The following ADAM10 variants were observed in gnomAD, a reference collection of about 807,000 sequenced individuals.
ADAM10 encodes ADAM metallopeptidase domain 10.
In ADAM10, 17 loss-of-function variants were observed where a neutral mutation model predicts 90.1. The ratio of observed to expected loss-of-function variants is 0.19; its 90% CI spans 0.13 to 0.28. The LOEUF is 0.28. Ranked by LOEUF, ADAM10 falls within the 10% of genes least tolerant of loss-of-function variation. ADAM10 has a pLI of 1.00. For missense variants in ADAM10, 610 were observed against 914.3 expected (o/e 0.67, Z 4.29); for synonymous variants, 310 against 298.6 (o/e 1.04, Z -0.40).
chr15:58,605,486 C>T (rs1037651305), intron 14 of ADAM10, among the ~76,000 whole-genome samples: 7 of 152,150 alleles, frequency 4.6e-5, no homozygotes, highest in African/African-American at 1.7e-4. Flanking sequence ...TGCTAAATTA[C>T]ATGCTATCCC....
intron 2 of ADAM10, among the ~76,000 whole-genome samples, chr15:58,710,671 G>T (rs905515053): frequency 1.3e-5 from 2 of 152,092 alleles, no homozygotes; most frequent in Admixed American, 6.6e-5. Context: ...TTTCCTTTGG[G>T]AATTTTTGCT....
chr15:58,605,895 G>A (rs1023089081), intron 14 of ADAM10, among the ~76,000 whole-genome samples: 6 of 152,040 alleles, frequency 3.9e-5, no homozygotes, highest in Non-Finnish European at 5.9e-5. Context: ...TATTTAATTT[G>A]ATAATCTAAA....
intron 4 of ADAM10, among the ~76,000 whole-genome samples, chr15:58,671,761 T>C (rs1897198729): frequency 6.6e-6 from 1 of 152,164 alleles, no homozygotes; most frequent in African/African-American, 2.4e-5. Flanking sequence ...ATTTGCTTTT[T>C]CAGTAGTAAA....
At chr15:58,691,350 G>T in intron 2 of ADAM10, 1 of 1,017,008 alleles carries the variant, frequency 9.8e-7, no homozygotes, top group Non-Finnish European at 1.5e-6. Flanking sequence ...CTCATCAATG[G>T]GCTCACTCAT....
intron 2 of ADAM10, among the ~76,000 whole-genome samples, chr15:58,705,558 T>G (rs531801058): frequency 2.0e-4 from 31 of 152,310 alleles, no homozygotes; most frequent in Middle Eastern, 3.4e-3. Flanking sequence ...GGTTTTTCTT[T>G]CTCAAGCTTT....
At position 58,597,646 on chromosome 15, in the gene ADAM10, G is replaced by C. The variant is rs199894972; in HGVS notation, c.2153-5C>G. ...GTCTCCTCCTCTTTAAAGTGCCTGT[G>C]AGCCACAAATAAAAGCAAAGCAGAT... On this transcript the variant is annotated splice_polypyrimidine_tract_variant and splice_region_variant and intron_variant, in intron 15 of 15. Transcript: ENST00000260408. The C allele has an allele frequency of 9.9e-6, 16 of 1,613,822 alleles. No individual in the cohort carries two copies. Among genetic ancestry groups the C allele is most frequent in the Non-Finnish European group, 1.4e-5 (16 of 1,179,982 alleles).
At chr15:58,616,885 G>A (rs1353832243) in intron 11 of ADAM10, among the ~76,000 whole-genome samples, 1 of 152,244 alleles carries the variant, frequency 6.6e-6, no homozygotes, top group East Asian at 1.9e-4. Context: ...GAGGCGGACA[G>A]ATCACAAGGT....
At chr15:58,615,994 C>A (rs566344482) in intron 11 of ADAM10, among the ~76,000 whole-genome samples, 1 of 151,706 alleles carries the variant, frequency 6.6e-6, no homozygotes, top group Admixed American at 6.6e-5. Context: ...GGTGACAGAG[C>A]AAGACCCTGT....
chr15:58,633,371 C>CA lies in ADAM10; in HGVS notation c.1013-13dup, dbSNP rs1896154461. The stretch of plus-strand genomic sequence containing the variant: ...TCCTCCAGAGCTTCCTAATCCAGAA[C>CA]AAAAAAATGGCTAAATTAGTATCTG... On this transcript the variant is annotated splice_polypyrimidine_tract_variant and intron_variant, in intron 8 of 15. Transcript: ENST00000260408. 2.5e-6 allele frequency: 4 copies of CA among 1,611,826 alleles called. No individual in the cohort carries two copies. Among genetic ancestry groups the CA allele is most frequent in the East Asian group, 2.2e-5 (1 of 44,756 alleles).
At position 58,727,205 on chromosome 15, in the gene ADAM10, T is replaced by TC. The variant is rs34158903; in HGVS notation, c.56-9479dup. Among the ~76,000 whole-genome samples, 3 of 89,150 alleles carry TC rather than the reference T, an allele frequency of 3.4e-5. 1 individual carries two copies. Among genetic ancestry groups the TC allele is most frequent in the East Asian group, 7.8e-4 (2 of 2,560 alleles). The allele number at this position is 89,150 out of a possible 152,430, so 58.5% of individuals were successfully genotyped here. ...TTTTTTTTTTTTTTTTTTTTTTTTT[T>TC]CCCAAAAACAGCGTTTCGCTCGTTG... is the stretch of plus-strand genomic sequence containing the variant. On this transcript the variant is annotated intron_variant, in intron 1 of 15. Transcript: ENST00000260408.
At chr15:58,630,403 A>G (rs1477194809) in intron 9 of ADAM10, among the ~76,000 whole-genome samples, 1 of 152,230 alleles carries the variant, frequency 6.6e-6, no homozygotes, top group Non-Finnish European at 1.5e-5. Context: ...AACACTAGAA[A>G]TATACTTAAA....
chr15:58,726,992 G>C (rs1899053189), intron 1 of ADAM10, among the ~76,000 whole-genome samples: 2 of 151,592 alleles, frequency 1.3e-5, no homozygotes, highest in African/African-American at 4.8e-5. Flanking sequence ...ACAATTAAAA[G>C]GCAAAAGCTG....
chr15:58,688,766 T>TTATATATA (rs780219725), intron 2 of ADAM10, among the ~76,000 whole-genome samples: 34 of 121,856 alleles, frequency 2.8e-4, no homozygotes, highest in African/African-American at 7.7e-4. Context: ...AAAAAAAAAA[T>TTATATATA]TATATATATA....
intron 2 of ADAM10, among the ~76,000 whole-genome samples, chr15:58,702,781 T>C (rs1898170581): frequency 1.3e-5 from 2 of 152,178 alleles, no homozygotes; most frequent in Admixed American, 6.5e-5. Context: ...CTGCTTCTAT[T>C]AACATCAAAA....
intron 7 of ADAM10, among the ~76,000 whole-genome samples, chr15:58,643,169 T>A (rs1330797849): frequency 6.6e-6 from 1 of 152,152 alleles, no homozygotes; most frequent in African/African-American, 2.4e-5. Flanking sequence ...AAAAATAGCC[T>A]AAATTTGTCA....
chr15:58,683,036 T>C lies in ADAM10; in HGVS notation c.207-722A>G, dbSNP rs141047653. Among the ~76,000 whole-genome samples, 1,284 of 152,336 alleles carry C rather than the reference T, an allele frequency of 8.4e-3. 19 individuals are homozygous for C. The highest frequency in any genetic ancestry group is 0.029 in the African/African-American group (1,222 of 41,576). On this transcript the variant is annotated intron_variant, in intron 2 of 15. Transcript: ENST00000260408. ...CCTAGAATTTACTAGCTCAGGTTCC[T>C]GTCTGTGAAATAAAGGTAATATAAA...
intron 4 of ADAM10, among the ~76,000 whole-genome samples, chr15:58,676,503 T>C (rs1596057188): frequency 6.6e-6 from 1 of 152,188 alleles, no homozygotes; most frequent in Non-Finnish European, 1.5e-5. Flanking sequence ...ATTATTAAAT[T>C]TAGTGAGCCC....
intron 2 of ADAM10, chr15:58,692,771 C>T (rs1245296757): frequency 3.3e-6 from 2 of 610,978 alleles, no homozygotes. Context: ...GTGATGGCTA[C>T]TTTCTCTGCC....
chr15:58,704,728 C>T (rs1898230916), intron 2 of ADAM10, among the ~76,000 whole-genome samples: 1 of 152,256 alleles, frequency 6.6e-6, no homozygotes, highest in South Asian at 2.1e-4. Flanking sequence ...AGCATAGAGG[C>T]TTGCAGTTTT....
Sources: allele counts gnomAD v4.1 joint callset (sites outside exome capture counted in the v4.1 genomes callset), GRCh38; gene constraint gnomAD v4.1.1; transcripts MANE v1.5; gene names NCBI Gene and HGNC (gene_info 2026-07-23, HGNC 2026-07-21).